LRP1B: variants seen among roughly 807,000 people sequenced by gnomAD.
LRP1B encodes low-density lipoprotein receptor-related protein 1B.
Under a neutral mutation model 556.6 loss-of-function variants are expected in LRP1B, and 217 were observed. The ratio of observed to expected loss-of-function variants is 0.39; its 90% confidence interval spans 0.35 to 0.44. The LOEUF is 0.44. Among genes scored for constraint, LRP1B ranks in the 20% least tolerant of loss-of-function variants. LRP1B has a pLI of 1.00. For synonymous variants in LRP1B, 2,047 were observed against 1,865.8 expected (o/e 1.10, Z -2.50); for missense variants, 5,053 against 5,620.8 (o/e 0.90, Z 3.23).
intron 6 of LRP1B, among the ~76,000 whole-genome samples, chr2:141,226,597 A>G (rs1683258490): frequency 1.3e-5 from 2 of 152,122 alleles, no homozygotes; most frequent in South Asian, 4.1e-4. Context: ...GGGAGGAACT[A>G]AAGAGAATCT....
intron 7 of LRP1B, among the ~76,000 whole-genome samples, chr2:141,063,872 G>C (rs1187651712): frequency 6.6e-6 from 1 of 151,836 alleles, no homozygotes; most frequent in African/African-American, 2.4e-5. Flanking sequence ...CAGGTGGTTT[G>C]ACTTTGGCCA....
At chr2:141,448,968 G>T (rs745487799) in intron 3 of LRP1B, among the ~76,000 whole-genome samples, 4 of 152,128 alleles carry the variant, frequency 2.6e-5, no homozygotes, top group Non-Finnish European at 5.9e-5. Context: ...AAACAAGGCC[G>T]CTAAACTTTG....
intron 3 of LRP1B, among the ~76,000 whole-genome samples, chr2:141,297,146 G>A (rs1686212266): frequency 6.6e-6 from 1 of 152,162 alleles, no homozygotes; most frequent in Admixed American, 6.5e-5. Flanking sequence ...TTGCTATTGT[G>A]AGTAGTGCTG....
chr2:141,722,614 C>T (rs774470821), intron 2 of LRP1B, among the ~76,000 whole-genome samples: 5 of 151,922 alleles, frequency 3.3e-5, no homozygotes, highest in Non-Finnish European at 5.9e-5. Flanking sequence ...TATTAATTTC[C>T]CTCACCTGTC....
Position 140,771,095 on chromosome 2 carries a change from A to G in LRP1B, c.5501-89T>C. 5.7e-6 allele frequency: 5 copies of G among 871,698 alleles called. No individual in the cohort carries two copies. In the South Asian group the frequency reaches 6.9e-5, roughly 12 times the overall value. The allele number at this position is 871,698 out of a possible 1,614,324, so 54.0% of individuals were successfully genotyped here. A position where few individuals can be genotyped will look rare whatever the true frequency, so the allele number is the denominator to read the frequency against. On this transcript the variant is annotated intron_variant, in intron 33 of 90. Transcript: ENST00000389484. ...AACGTCAATAATTTGACAAATATGT[A>G]TGCTATTGATTTCTAAATGCAGCTG...
intron 11 of LRP1B, among the ~76,000 whole-genome samples, chr2:141,035,669 AT>A (rs200789845): frequency 0.024 from 3,651 of 152,062 alleles, 70 homozygotes; most frequent in South Asian, 0.04. Context: ...TAAATAAAAG[AT>A]TTTTTCTGAT....
intron 1 of LRP1B, among the ~76,000 whole-genome samples, chr2:141,811,052 T>C (rs1360617734): frequency 6.6e-6 from 1 of 152,084 alleles, no homozygotes; most frequent in Non-Finnish European, 1.5e-5. Context: ...CTAAAACGTC[T>C]GCTATTTTCC....
At chr2:140,552,569 C>T (rs1289618509) in intron 43 of LRP1B, among the ~76,000 whole-genome samples, 3 of 152,022 alleles carry the variant, frequency 2.0e-5, no homozygotes, top group Admixed American at 6.6e-5. Flanking sequence ...CATTAAATTA[C>T]CTGTTTCAAT....
intron 82 of LRP1B, among the ~76,000 whole-genome samples, chr2:140,315,855 T>A (rs1054643807): frequency 2.6e-5 from 4 of 152,172 alleles, no homozygotes; most frequent in Non-Finnish European, 5.9e-5. Flanking sequence ...TGTTGGTCCT[T>A]ATTAACCATA....
At chr2:140,656,703 A>C (rs1684890311) in intron 41 of LRP1B, among the ~76,000 whole-genome samples, 1 of 152,112 alleles carries the variant, frequency 6.6e-6, no homozygotes. Context: ...TATTTGTCTG[A>C]TTCATTCAAA....
At chr2:140,660,817 T>G (rs1009526423) in intron 41 of LRP1B, among the ~76,000 whole-genome samples, 2 of 151,958 alleles carry the variant, frequency 1.3e-5, no homozygotes, top group African/African-American at 4.8e-5. Flanking sequence ...TAATTTTACC[T>G]GCTGTCTTTC....
At chr2:140,253,386 G>C (rs985668937) in intron 86 of LRP1B, among the ~76,000 whole-genome samples, 4 of 152,020 alleles carry the variant, frequency 2.6e-5, no homozygotes, top group African/African-American at 9.7e-5. Context: ...TTCTATTGAA[G>C]AGGTGGCCAT....
intron 23 of LRP1B, among the ~76,000 whole-genome samples, chr2:140,895,901 G>GC (rs1693940396): frequency 6.6e-6 from 1 of 152,096 alleles, no homozygotes; most frequent in South Asian, 2.1e-4. Context: ...CTGCTCTGCT[G>GC]CCCGTGGAGC....
chr2:141,561,444 T>C (rs528857372), intron 2 of LRP1B, among the ~76,000 whole-genome samples: 24 of 152,004 alleles, frequency 1.6e-4, no homozygotes, highest in Non-Finnish European at 3.2e-4. Context: ...GGACAACTAA[T>C]GCCTCAGGGC....
At chr2:141,775,387 T>C (rs1468910374) in intron 2 of LRP1B, among the ~76,000 whole-genome samples, 1 of 152,230 alleles carries the variant, frequency 6.6e-6, no homozygotes, top group African/African-American at 2.4e-5. Context: ...TTCATATATA[T>C]GTGTGGTTCT....
chr2:141,298,771 A>T (rs1286047903), intron 3 of LRP1B, among the ~76,000 whole-genome samples: 1 of 152,072 alleles, frequency 6.6e-6, no homozygotes, highest in Non-Finnish European at 1.5e-5. Context: ...CCTGGCCAAC[A>T]TGGTGAAACC....
intron 9 of LRP1B, among the ~76,000 whole-genome samples, chr2:141,055,841 T>A (rs1699166890): frequency 1.3e-5 from 2 of 148,882 alleles, no homozygotes; most frequent in African/African-American, 4.9e-5. Context: ...TGTGTGTAGT[T>A]GTCAAATGGT....
At chr2:141,565,981 T>C (rs1431862976) in intron 2 of LRP1B, among the ~76,000 whole-genome samples, 1 of 152,084 alleles carries the variant, frequency 6.6e-6, no homozygotes, top group Non-Finnish European at 1.5e-5. Flanking sequence ...GCTTTTCTTA[T>C]TTTATAAGAG....
intron 1 of LRP1B, among the ~76,000 whole-genome samples, chr2:141,956,655 C>T (rs773436880): frequency 6.6e-6 from 1 of 151,984 alleles, no homozygotes; most frequent in Admixed American, 6.6e-5. Flanking sequence ...ATGTATATGG[C>T]TTTTCCTCCC....
Sources: allele counts gnomAD v4.1 joint callset (sites outside exome capture counted in the v4.1 genomes callset), GRCh38; gene constraint gnomAD v4.1.1; transcripts MANE v1.5; gene names NCBI Gene and HGNC (gene_info 2026-07-23, HGNC 2026-07-21).